RFC1: variants seen among roughly 807,000 people sequenced by gnomAD.
RFC1 encodes the protein A1 140 kDa subunit.
In RFC1, 37 loss-of-function variants were observed where a neutral mutation model predicts 137.4. That is an observed-to-expected ratio of 0.27 (90% CI 0.21 to 0.35). The LOEUF is 0.35. Among genes scored for constraint, RFC1 ranks in the 10% least tolerant of loss-of-function variants. The probability of loss-of-function intolerance (pLI) is 1.00; values close to 1 mark genes in which losing one functional copy is unlikely to be tolerated. For synonymous variants in RFC1, 429 were observed against 455.7 expected (o/e 0.94, Z 0.75); for missense variants, 1,205 against 1,358.5 (o/e 0.89, Z 1.78).
chr4:39,329,816 T>G (rs1357107984), intron 4 of RFC1, among the ~76,000 whole-genome samples: 2 of 151,512 alleles, frequency 1.3e-5, no homozygotes, highest in African/African-American at 2.4e-5. Flanking sequence ...GGGCGGATCA[T>G]TTGAGGTCAG....
intron 1 of RFC1, 39 bp downstream of exon 1, chr4:39,366,200 C>A (rs370678287): frequency 2.6e-5 from 41 of 1,550,914 alleles, no homozygotes; most frequent in Non-Finnish European, 3.2e-5. Flanking sequence ...GCAAAGCCCC[C>A]CCAGACCCCG....
At chr4:39,341,554 T>C (rs1740606326) in intron 4 of RFC1, 1 of 455,026 alleles carries the variant, frequency 2.2e-6, no homozygotes, top group African/African-American at 2.0e-5. Flanking sequence ...AGTTCACCTA[T>C]GGACTTTGTT....
intron 7 of RFC1, 60 bp from the exon 8 acceptor site, chr4:39,321,434 T>A (rs1357736826): frequency 2.7e-6 from 4 of 1,502,976 alleles, no homozygotes; most frequent in Non-Finnish European, 3.7e-6. Flanking sequence ...TACCATAAAA[T>A]CTGTTGTTAA....
intron 2 of RFC1, among the ~76,000 whole-genome samples, chr4:39,349,451 T>C (rs1393631566): frequency 6.6e-6 from 1 of 152,120 alleles, no homozygotes; most frequent in Admixed American, 6.5e-5. Flanking sequence ...CTATCTCTCT[T>C]TCTCCACCAG....
In RFC1 at chr4:39,293,115, G is replaced by A. The variant is rs376641716; in HGVS notation, c.2955-1263C>T. 3.3e-5 allele frequency among the ~76,000 whole-genome samples: 5 copies of A among 151,986 alleles called. No individual in the cohort carries two copies. In the East Asian group the frequency reaches 5.8e-4, roughly 18 times the overall value. On this transcript the variant is annotated intron_variant, in intron 22 of 24. Transcript: ENST00000349703. ...TGATCAGAAATCTAGACTCACCCTCGCAACTATTACCTAGACAAAGAGTTT... is the reference window on the plus strand; with the variant it reads ...TGATCAGAAATCTAGACTCACCCTCACAACTATTACCTAGACAAAGAGTTT...
At chr4:39,312,634 A>G (rs1739012610) in intron 11 of RFC1, 118 bp downstream of exon 11, 3 of 984,082 alleles carry the variant, frequency 3.0e-6, no homozygotes, top group Non-Finnish European at 4.3e-6. Flanking sequence ...TAATGTAGGC[A>G]AGAAATTACT....
chr4:39,312,751 C>G lies in RFC1; in HGVS notation c.1383+1G>C, dbSNP rs1739020529. The G allele has an allele frequency of 6.2e-7, 1 of 1,613,524 alleles. No homozygotes were observed. The highest frequency in any genetic ancestry group is 1.1e-5 in the South Asian group (1 of 90,986). On this transcript the variant is annotated splice_donor_variant, in intron 11 of 24. Coordinates refer to ENST00000349703, the MANE Select transcript of RFC1 (RefSeq NM_002913.5). LOFTEE classifies it high-confidence loss of function. Reference sequence around the variant, plus strand: ...GGTGTTGAGAACAAAGCAGTACCCACCTTATCACTCTTGGACTGTCCACTA... The same window carrying G: ...GGTGTTGAGAACAAAGCAGTACCCAGCTTATCACTCTTGGACTGTCCACTA...
In RFC1 at chr4:39,338,515, T is replaced by C. The variant is rs184532075; in HGVS notation, c.331+3830A>G. Among the ~76,000 whole-genome samples the C allele has an allele frequency of 9.1e-4, 139 of 152,326 alleles. 2 individuals carry two copies. Among genetic ancestry groups the C allele is most frequent in the African/African-American group, 3.3e-3 (136 of 41,580 alleles). On this transcript the variant is annotated intron_variant, in intron 4 of 24. Transcript: ENST00000349703. Reference sequence around the variant, plus strand: ...AAACAAGTGAAATTAATTTTAACTGTATATTTTATCTAACCCAATAGATCC... The same window carrying C: ...AAACAAGTGAAATTAATTTTAACTGCATATTTTATCTAACCCAATAGATCC...
chr4:39,303,064 A>G lies in RFC1; in HGVS notation c.2198T>C (p.Ile733Thr), dbSNP rs1246960748. The change falls in exon 16 of 25, where the codon ATT becomes ACT. Residue 733 changes from isoleucine (I) to threonine (T), a missense_variant. Physicochemically the swap from Ile to Thr is moderately conservative, Grantham distance 89. This residue lies in a region of RFC1 where 962 missense variants were observed against 1,035.3 expected (regional missense o/e 0.93). Coordinates refer to ENST00000349703, the MANE Select transcript of RFC1 (RefSeq NM_002913.5). ...AAAATACAGCACTTGAATTACCTGAATTCCTCCCCTATCCTCATTGCCTGC... is the reference window on the plus strand; with the variant it reads ...AAAATACAGCACTTGAATTACCTGAGTTCCTCCCCTATCCTCATTGCCTGC... The part of the protein sequence containing the change: ...GMAGNEDRGG[I>T]QELIGLIKHT... The G allele has an allele frequency of 1.2e-6, 2 of 1,609,406 alleles. No homozygotes were observed. The highest frequency in any genetic ancestry group is 1.7e-5 in the Admixed American group (1 of 60,000).
At chr4:39,330,766 A>T (rs916565450) in intron 4 of RFC1, among the ~76,000 whole-genome samples, 1 of 152,218 alleles carries the variant, frequency 6.6e-6, no homozygotes, top group African/African-American at 2.4e-5. Flanking sequence ...AACTATAGTC[A>T]ATCTACCGTC....
chr4:39,307,447 T>C (rs1174230934), intron 13 of RFC1: 1 of 152,758 alleles, frequency 6.5e-6, no homozygotes, highest in Admixed American at 6.5e-5. Context: ...CTGGGTGCGG[T>C]GGCTCACGCC....
At chr4:39,352,749 G>C (rs1443838757) in intron 1 of RFC1, among the ~76,000 whole-genome samples, 3 of 152,104 alleles carry the variant, frequency 2.0e-5, no homozygotes, top group African/African-American at 4.8e-5. Context: ...TCTGCTTATA[G>C]AGAAGGGTAT....
At chr4:39,332,131 G>A (rs1213161517) in intron 4 of RFC1, among the ~76,000 whole-genome samples, 1 of 152,212 alleles carries the variant, frequency 6.6e-6, no homozygotes, top group Non-Finnish European at 1.5e-5. Context: ...GGAACTGTAA[G>A]TCCAATAAAC....
chr4:39,301,971 G>A (rs1157146096), intron 19 of RFC1, among the ~76,000 whole-genome samples: 1 of 152,146 alleles, frequency 6.6e-6, no homozygotes, highest in African/African-American at 2.4e-5. Flanking sequence ...TCTGAACAGT[G>A]CAAAACCATT....
intron 2 of RFC1, among the ~76,000 whole-genome samples, chr4:39,348,427 A>AGGGC (rs1740982250): frequency 5.3e-5 from 2 of 37,474 alleles, no homozygotes; most frequent in Admixed American, 3.8e-4. Context: ...TGTTTCAAAA[A>AGGGC]AGAAAAGAAA....
At chr4:39,351,253 G>GA (rs58906519) in intron 2 of RFC1, 95 bp downstream of exon 2, 16 of 315,070 alleles carry the variant, frequency 5.1e-5, no homozygotes, top group African/African-American at 9.3e-5. Flanking sequence ...TCTGTCTCAG[G>GA]AAAAAAAAAA....
chr4:39,305,111 T>A (rs1054612484), intron 14 of RFC1, among the ~76,000 whole-genome samples, 183 bp from the exon 15 acceptor site: 1 of 152,188 alleles, frequency 6.6e-6, no homozygotes, highest in African/African-American at 2.4e-5. Context: ...ATATTAGAAA[T>A]TTTTAGAATA....
rs779659198 is a variant in RFC1 at position 39,323,399 on chromosome 4, CA to C, written c.660del (p.His220GlnfsTer10). On this transcript the variant is annotated frameshift_variant, in exon 7 of 25. Transcript: ENST00000349703. LOFTEE classifies it high-confidence loss of function. ...DEDAELERQL[H>X]EDEEFARTLA... ...AATGTTCTGGCAAACTCTTCATCTT[CA>C]TGCAACTGCCTCTCCAGCTGTAAAA... 1.2e-6 allele frequency: 2 copies of C among 1,613,958 alleles called. No homozygotes were observed. The highest frequency in any genetic ancestry group is 2.7e-5 in the African/African-American group (2 of 74,928).
chr4:39,299,277 C>A (rs1312864079), intron 21 of RFC1, among the ~76,000 whole-genome samples: 1 of 152,120 alleles, frequency 6.6e-6, no homozygotes, highest in Non-Finnish European at 1.5e-5. Flanking sequence ...TTAATAAATA[C>A]ACGGGTAAAT....
Sources: allele counts gnomAD v4.1 joint callset (sites outside exome capture counted in the v4.1 genomes callset), GRCh38; gene constraint gnomAD v4.1.1; regional missense constraint gnomAD v4.1.1; transcripts MANE v1.5; gene names NCBI Gene and HGNC (gene_info 2026-07-23, HGNC 2026-07-21).